Variants in TEKT5 observed in about 807,000 individuals in gnomAD.
TEKT5 encodes the protein tektin-5.
TEKT5 carries 52 observed loss-of-function variants against 48.7 expected under a neutral mutation model. That is an observed-to-expected ratio of 1.07 (90% CI 0.86 to 1.35). TEKT5 has a LOEUF of 1.35. Among genes scored for constraint, TEKT5 ranks in the 40% most tolerant of loss-of-function variants. TEKT5 has a pLI of 0.00. For synonymous variants in TEKT5, 318 were observed against 267.6 expected (o/e 1.19, Z -1.84); for missense variants, 831 against 641.6 (o/e 1.30, Z -3.19).
chr16:10,650,367 C>T (rs962512711), intron 5 of TEKT5, among the ~76,000 whole-genome samples: 57 of 151,910 alleles, frequency 3.8e-4, no homozygotes, highest in African/African-American at 1.1e-3. Context: ...TCCCAAAGTG[C>T]TGGGATTACA....
At chr16:10,691,642 G>A (rs555506887) in intron 1 of TEKT5, among the ~76,000 whole-genome samples, 2 of 152,170 alleles carry the variant, frequency 1.3e-5, no homozygotes, top group Non-Finnish European at 2.9e-5. Context: ...GAGGAATTCC[G>A]GAATTAAGAT....
intron 5 of TEKT5, among the ~76,000 whole-genome samples, chr16:10,643,019 G>C (rs1050679170): frequency 3.9e-5 from 6 of 152,200 alleles, no homozygotes; most frequent in Non-Finnish European, 7.3e-5. Flanking sequence ...TGACGGAAAT[G>C]CAAGTTACCC....
At chr16:10,655,048 G>A (rs539634513) in intron 5 of TEKT5, among the ~76,000 whole-genome samples, 9 of 148,814 alleles carry the variant, frequency 6.0e-5, no homozygotes, top group African/African-American at 2.2e-4. Context: ...GAAAGAATTT[G>A]TCTTTGCAGG....
intron 5 of TEKT5, among the ~76,000 whole-genome samples, chr16:10,657,429 A>G (rs62025794): frequency 0.26 from 39,319 of 151,876 alleles, 6,633 homozygotes; most frequent in Non-Finnish European, 0.38. Flanking sequence ...TGCCCGGCCT[A>G]GAGCTGCTTT....
intron 3 of TEKT5, among the ~76,000 whole-genome samples, chr16:10,688,099 A>T (rs1898895726): frequency 1.3e-5 from 2 of 152,214 alleles, no homozygotes; most frequent in African/African-American, 4.8e-5. Flanking sequence ...AACTATAGGT[A>T]ACAATAGTCC....
At chr16:10,676,272 G>T in intron 4 of TEKT5, 91 bp from the exon 5 acceptor site, 3 of 1,251,230 alleles carry the variant, frequency 2.4e-6, no homozygotes, top group Non-Finnish European at 3.4e-6. Flanking sequence ...TCTGGGTCGG[G>T]ATTATTCTCT....
At chr16:10,674,592 T>C (rs1307332077) in intron 5 of TEKT5, among the ~76,000 whole-genome samples, 1 of 114,868 alleles carries the variant, frequency 8.7e-6, no homozygotes, top group Admixed American at 1.2e-4. Flanking sequence ...TGCTCCAGCC[T>C]GGGCAACAGA....
chr16:10,690,572 T>C, intron 1 of TEKT5: 1 of 985,344 alleles, frequency 1.0e-6, no homozygotes, highest in East Asian at 1.1e-4. Context: ...TGTAAATCAC[T>C]GAGAACACTG....
intron 4 of TEKT5, among the ~76,000 whole-genome samples, chr16:10,678,424 A>C (rs1042647856): frequency 1.3e-5 from 2 of 152,170 alleles, no homozygotes; most frequent in Non-Finnish European, 2.9e-5. Flanking sequence ...AAGCACACTT[A>C]GGTTGCATGG....
At chr16:10,676,853 G>A (rs1348896787) in intron 4 of TEKT5, among the ~76,000 whole-genome samples, 3 of 152,198 alleles carry the variant, frequency 2.0e-5, no homozygotes, top group South Asian at 4.1e-4. Flanking sequence ...GACAGTGAAT[G>A]AGGAGATAGT....
intron 4 of TEKT5, among the ~76,000 whole-genome samples, chr16:10,678,827 C>T (rs1380433794): frequency 6.6e-6 from 1 of 152,224 alleles, no homozygotes; most frequent in African/African-American, 2.4e-5. Context: ...TAATCACATT[C>T]TCCCTGGGGA....
At chr16:10,643,800 G>A (rs189940103) in intron 5 of TEKT5, among the ~76,000 whole-genome samples, 2 of 152,270 alleles carry the variant, frequency 1.3e-5, no homozygotes, top group East Asian at 3.9e-4. Context: ...CACTTTGGGA[G>A]GCCAAGACAG....
At chr16:10,664,381 A>G (rs191365373) in intron 5 of TEKT5, among the ~76,000 whole-genome samples, 76 of 152,372 alleles carry the variant, frequency 5.0e-4, no homozygotes, top group African/African-American at 1.8e-3. Flanking sequence ...CCACTGGCAG[A>G]CTTTCTGATT....
intron 6 of TEKT5, among the ~76,000 whole-genome samples, chr16:10,630,880 C>T (rs1482135987): frequency 6.6e-6 from 1 of 151,480 alleles, no homozygotes; most frequent in African/African-American, 2.4e-5. Flanking sequence ...AAAAATTAGC[C>T]AGGTGTCATG....
At chr16:10,666,095 G>T (rs529938355) in intron 5 of TEKT5, among the ~76,000 whole-genome samples, 1 of 152,144 alleles carries the variant, frequency 6.6e-6, no homozygotes, top group Non-Finnish European at 1.5e-5. Context: ...AAAATTAGCC[G>T]GGCATGGTGG....
chr16:10,669,647 C>T (rs1898521269), intron 5 of TEKT5, among the ~76,000 whole-genome samples: 1 of 152,130 alleles, frequency 6.6e-6, no homozygotes, highest in Non-Finnish European at 1.5e-5. Flanking sequence ...CCCACAATGT[C>T]AGAATAAGCA....
At chr16:10,656,842 G>A (rs1395900841) in intron 5 of TEKT5, among the ~76,000 whole-genome samples, 1 of 152,110 alleles carries the variant, frequency 6.6e-6, no homozygotes, top group Admixed American at 6.6e-5. Context: ...CTGGGCTCAA[G>A]TGACCCTCCC....
At chr16:10,653,937 A>G (rs1898212488) in intron 5 of TEKT5, among the ~76,000 whole-genome samples, 1 of 151,840 alleles carries the variant, frequency 6.6e-6, no homozygotes, top group Non-Finnish European at 1.5e-5. Context: ...AAACAAAAAC[A>G]AAAGAAAAAC....
rs1295181811 is a variant in TEKT5 at position 10,627,665 on chromosome 16, T to C, written c.1376A>G (p.Asn459Ser). ...CTTCTCCTTGTCGATGCAGAGGGTGTTGGCCTTGATGGCGAGCTCGTGCTC... is the reference window on the plus strand; with the variant it reads ...CTTCTCCTTGTCGATGCAGAGGGTGCTGGCCTTGATGGCGAGCTCGTGCTC... Reference protein sequence around the residue: ...RLEHELAIKANTLCIDKEKCM... With the variant: ...RLEHELAIKASTLCIDKEKCM... Residue 459 changes from asparagine to serine, a missense_variant, in exon 7 of 7, where the codon AAC (asparagine) becomes AGC (serine). Transcript: ENST00000283025. 1 of 1,614,200 alleles carries C rather than the reference T, an allele frequency of 6.2e-7. No individual in the cohort carries two copies. The highest frequency in any genetic ancestry group is 8.5e-7 in the Non-Finnish European group (1 of 1,180,030).
Sources: allele counts gnomAD v4.1 joint callset (sites outside exome capture counted in the v4.1 genomes callset), GRCh38; gene constraint gnomAD v4.1.1; transcripts MANE v1.5; gene names NCBI Gene and HGNC (gene_info 2026-07-23, HGNC 2026-07-21).